The following FHIT variants were observed in gnomAD, a reference collection of about 807,000 sequenced individuals.
FHIT encodes bis(5'-adenosyl)-triphosphatase.
Under a neutral mutation model 17.9 loss-of-function variants are expected in FHIT, and 19 were observed. The ratio of observed to expected loss-of-function variants is 1.06; its 90% CI spans 0.74 to 1.56. The LOEUF is 1.56. FHIT is among the 40% of genes most tolerant of loss of function. The pLI is 0.00. For synonymous variants in FHIT, 81 were observed against 69.7 expected, an observed-to-expected ratio of 1.16 and a Z score of -0.81; for missense variants, 248 against 189.2, an observed-to-expected ratio of 1.31 and a Z score of -1.82.
chr3:60,437,424 G>C (rs963802603), intron 5 of FHIT, among the ~76,000 whole-genome samples: 1 of 152,076 alleles, frequency 6.6e-6, no homozygotes, highest in African/African-American at 2.4e-5. Flanking sequence ...TTAGAGAAAA[G>C]CAAGTAAAGC....
At chr3:59,958,771 C>T (rs1042826851) in intron 7 of FHIT, among the ~76,000 whole-genome samples, 3 of 152,186 alleles carry the variant, frequency 2.0e-5, no homozygotes, top group Non-Finnish European at 2.9e-5. Flanking sequence ...CCTTCTATGA[C>T]TCTCTCCTTT....
intron 2 of FHIT, among the ~76,000 whole-genome samples, chr3:61,144,832 C>T (rs1396151733): frequency 6.6e-6 from 1 of 152,046 alleles, no homozygotes; most frequent in African/African-American, 2.4e-5. Flanking sequence ...GTGCTATTAA[C>T]CATTTGTATA....
intron 4 of FHIT, among the ~76,000 whole-genome samples, chr3:60,665,141 G>A (rs1454745569): frequency 6.6e-6 from 1 of 151,726 alleles, no homozygotes; most frequent in African/African-American, 2.4e-5. Context: ...CTATTTTTTT[G>A]TTATGGATAA....
chr3:59,919,973 A>T (rs565189496), intron 8 of FHIT, among the ~76,000 whole-genome samples: 1 of 152,330 alleles, frequency 6.6e-6, no homozygotes, highest in South Asian at 2.1e-4. Flanking sequence ...TTTCCATACA[A>T]AGAGGAAGAT....
chr3:60,297,824 G>T (rs550984331), intron 5 of FHIT, among the ~76,000 whole-genome samples: 1 of 152,170 alleles, frequency 6.6e-6, no homozygotes, highest in South Asian at 2.1e-4. Context: ...TCTACCCAGA[G>T]ATATTGTCAG....
Position 59,899,572 on chromosome 3 carries a change from A to T in FHIT, c.348+22774T>A, listed in dbSNP as rs148048758. 4.5e-4 allele frequency among the ~76,000 whole-genome samples: 69 copies of T among 152,092 alleles called. 3 individuals are homozygous for T. The East Asian group carries it at 0.012, about 27-fold the overall frequency. Reference sequence around the variant, plus strand: ...TTGTAGGCCAGGCGCAGTGGCTCACACCTATAATCCTAGCAGTTTGGGAGG... The same window carrying T: ...TTGTAGGCCAGGCGCAGTGGCTCACTCCTATAATCCTAGCAGTTTGGGAGG... On this transcript the variant is annotated intron_variant, in intron 8 of 9. Transcript: ENST00000492590.
intron 5 of FHIT, among the ~76,000 whole-genome samples, chr3:60,350,447 A>G (rs764629918): frequency 2.3e-4 from 35 of 152,270 alleles, no homozygotes; most frequent in African/African-American, 7.9e-4. Context: ...ACAAATAGCA[A>G]TTTCTACATA....
intron 2 of FHIT, among the ~76,000 whole-genome samples, chr3:61,102,984 T>C (rs1031970191): frequency 5.9e-5 from 9 of 152,318 alleles, no homozygotes; most frequent in African/African-American, 2.2e-4. Context: ...ATCAATTTTG[T>C]TGATCTTTTC....
chr3:61,251,204 C>T (rs769411841), intron 1 of FHIT, 97 bp downstream of exon 1: 2 of 152,330 alleles, frequency 1.3e-5, no homozygotes, highest in African/African-American at 2.4e-5. Context: ...GCGGCGCCGG[C>T]CCCACTGGGC....
chr3:60,196,305 C>T (rs1317155276), intron 5 of FHIT, among the ~76,000 whole-genome samples: 2 of 152,136 alleles, frequency 1.3e-5, no homozygotes, highest in African/African-American at 4.8e-5. Flanking sequence ...CCACATTCCT[C>T]ACCTCATGGT....
chr3:60,241,845 C>T (rs1279449568), intron 5 of FHIT, among the ~76,000 whole-genome samples: 2 of 152,084 alleles, frequency 1.3e-5, no homozygotes, highest in East Asian at 1.9e-4. Flanking sequence ...GGAGCTTACT[C>T]TAATTACTCT....
intron 5 of FHIT, among the ~76,000 whole-genome samples, chr3:60,211,272 C>A (rs1381628024): frequency 6.6e-6 from 1 of 151,572 alleles, no homozygotes; most frequent in African/African-American, 2.4e-5. Context: ...GTATGTATAT[C>A]CACATACAAA....
intron 5 of FHIT, among the ~76,000 whole-genome samples, chr3:60,071,337 C>T (rs1399575909): frequency 6.6e-6 from 1 of 152,126 alleles, no homozygotes; most frequent in Non-Finnish European, 1.5e-5. Context: ...GTTTTAACAA[C>T]ATATTATTAA....
intron 3 of FHIT, among the ~76,000 whole-genome samples, chr3:60,831,601 A>C (rs1553742538): frequency 6.6e-6 from 1 of 152,248 alleles, no homozygotes; most frequent in Admixed American, 6.5e-5. Context: ...GACTTAGTTC[A>C]TATTTACAAT....
chr3:60,285,320 T>C (rs541969227), intron 5 of FHIT, among the ~76,000 whole-genome samples: 3 of 152,148 alleles, frequency 2.0e-5, no homozygotes, highest in Non-Finnish European at 4.4e-5. Flanking sequence ...AAGTAAGGCA[T>C]AACCAGTAAT....
chr3:60,291,626 G>T lies in FHIT; in HGVS notation c.103+245234C>A, dbSNP rs144546779. 7.3e-3 allele frequency among the ~76,000 whole-genome samples: 1,103 copies of T among 152,014 alleles called. 16 individuals carry two copies. The highest frequency in any genetic ancestry group is 0.024 in the African/African-American group (981 of 41,470). On this transcript the variant is annotated intron_variant, in intron 5 of 9. Transcript: ENST00000492590. ...TTGGTAGGAAAAAAATAATTTCTTGGGATGCTTTTCATTAGAAAGAAAATT... is the reference window on the plus strand; with the variant it reads ...TTGGTAGGAAAAAAATAATTTCTTGTGATGCTTTTCATTAGAAAGAAAATT...
intron 5 of FHIT, among the ~76,000 whole-genome samples, chr3:60,047,626 C>T (rs1013948985): frequency 3.9e-5 from 6 of 152,236 alleles, no homozygotes; most frequent in Non-Finnish European, 7.3e-5. Context: ...AGCAGTGAAA[C>T]TATGACAACC....
chr3:60,051,209 G>C (rs1031981655), intron 5 of FHIT, among the ~76,000 whole-genome samples: 1 of 151,882 alleles, frequency 6.6e-6, no homozygotes, highest in Non-Finnish European at 1.5e-5. Context: ...AAAATGCATA[G>C]TGTTAAAAAA....
intron 5 of FHIT, among the ~76,000 whole-genome samples, chr3:60,075,571 G>A (rs1243318052): frequency 6.6e-6 from 1 of 152,084 alleles, no homozygotes; most frequent in Non-Finnish European, 1.5e-5. Context: ...GGTTAAGCAG[G>A]TTTCTGTTCC....
Sources: allele counts gnomAD v4.1 joint callset (sites outside exome capture counted in the v4.1 genomes callset), GRCh38; gene constraint gnomAD v4.1.1; transcripts MANE v1.5; gene names NCBI Gene and HGNC (gene_info 2026-07-23, HGNC 2026-07-21).